The following KIF16B variants were observed in gnomAD, a reference collection of about 807,000 sequenced individuals.
KIF16B encodes kinesin-like protein KIF16B.
A neutral mutation model predicts 156.3 loss-of-function variants in KIF16B; 98 were observed. The observed-to-expected ratio is 0.63, with a 90% CI of 0.53 to 0.74. The LOEUF (loss-of-function observed/expected upper bound fraction) is 0.74. Ranked by LOEUF, KIF16B falls within the 30% of genes least tolerant of loss-of-function variation. KIF16B has a pLI of 0.00. For synonymous variants in KIF16B, 564 were observed against 583.7 expected, an observed-to-expected ratio of 0.97 and a Z score of 0.49; for missense variants, 1,421 against 1,606.5, an observed-to-expected ratio of 0.88 and a Z score of 1.97.
chr20:16,448,289 T>G (rs1003231069), intron 12 of KIF16B, among the ~76,000 whole-genome samples: 1 of 152,162 alleles, frequency 6.6e-6, no homozygotes, highest in Non-Finnish European at 1.5e-5. Flanking sequence ...GAGTTTTTCA[T>G]GCTGTGTTTA....
intron 12 of KIF16B, among the ~76,000 whole-genome samples, chr20:16,432,242 A>G (rs1169962317): frequency 2.0e-5 from 3 of 152,122 alleles, no homozygotes; most frequent in African/African-American, 7.2e-5. Context: ...GGTTGGGCTG[A>G]ACCAGGTTCA....
chr20:16,505,572 A>G lies in KIF16B; in HGVS notation c.1000+150T>C, dbSNP rs527602854. 4.0e-4 allele frequency: 266 copies of G among 663,308 alleles called. 1 individual carries two copies. In the South Asian group the frequency reaches 5.1e-3, roughly 13 times the overall value. 41.1% of individuals were successfully genotyped at this position (663,308 alleles called of 1,614,324 possible). A position where few individuals can be genotyped will look rare whatever the true frequency, so the allele number is the denominator to read the frequency against. On this transcript the variant is annotated intron_variant, in intron 9 of 25. Coordinates refer to ENST00000354981, the MANE Select transcript of KIF16B (RefSeq NM_024704.5). ...CTATAGACTGGATCATAGCAGGATC[A>G]TAGGAGGTGATTTTCCTCAAGATAG...
intron 24 of KIF16B, among the ~76,000 whole-genome samples, chr20:16,322,100 T>C (rs545213080): frequency 1.3e-5 from 2 of 152,050 alleles, no homozygotes; most frequent in South Asian, 4.2e-4. Flanking sequence ...TTCTTAGGCC[T>C]AAGAAAAGCA....
At chr20:16,394,716 C>T (rs2065449523) in intron 17 of KIF16B, among the ~76,000 whole-genome samples, 1 of 151,806 alleles carries the variant, frequency 6.6e-6, no homozygotes. Context: ...AGTCCATGCT[C>T]AAGGTGAGCA....
intron 3 of KIF16B, among the ~76,000 whole-genome samples, chr20:16,517,238 G>A (rs1476936488): frequency 2.6e-5 from 4 of 152,222 alleles, no homozygotes; most frequent in Non-Finnish European, 5.9e-5. Flanking sequence ...ATCAGTAAAA[G>A]ATTTCAACAA....
At position 16,273,170 on chromosome 20, in the gene KIF16B, C is replaced by T; in HGVS notation, c.*83G>A. On this transcript the variant is annotated 3_prime_UTR_variant, in exon 26 of 26. Transcript: ENST00000354981. ...TCAGCAGGAGGAGGCAGACCCGGAT[C>T]CTCGCATGGGGGAGCTGCCCTGCAT... 1 of 1,212,324 alleles carries T rather than the reference C, an allele frequency of 8.2e-7. No individual in the cohort carries two copies. 75.1% of individuals were successfully genotyped at this position (1,212,324 alleles called of 1,614,324 possible).
chr20:16,365,340 A>T (rs549292074), intron 22 of KIF16B, among the ~76,000 whole-genome samples: 1 of 152,344 alleles, frequency 6.6e-6, no homozygotes, highest in African/African-American at 2.4e-5. Context: ...ACCAACCAAG[A>T]TAATGACAAA....
intron 12 of KIF16B, among the ~76,000 whole-genome samples, chr20:16,446,252 A>G (rs1332021027): frequency 6.6e-6 from 1 of 152,238 alleles, no homozygotes; most frequent in Non-Finnish European, 1.5e-5. Context: ...ATAAACTATA[A>G]AGGCAGTTCC....
In KIF16B at chr20:16,379,497, C is replaced by T; in HGVS notation, c.2505G>A (p.Lys835=). 6.2e-7 allele frequency: 1 copy of T among 1,614,166 alleles called. No homozygotes were observed. The highest frequency in any genetic ancestry group is 1.1e-5 in the South Asian group (1 of 91,086). Residue 835 remains lysine, a synonymous_variant, in exon 19 of 26, where the codon AAG becomes AAA. Coordinates refer to ENST00000354981, the MANE Select transcript of KIF16B (RefSeq NM_024704.5). ...CCAGGTCCTTCTCCAAGTTCACTAGCTTGACAAGCTGCCTTCTCTTGAATT... is the reference window on the plus strand; with the variant it reads ...CCAGGTCCTTCTCCAAGTTCACTAGTTTGACAAGCTGCCTTCTCTTGAATT... ...FFEFKRRQLV[K]LVNLEKDLVQ... is the part of the protein sequence containing the mutation.
chr20:16,540,328 G>T (rs2070145326), intron 1 of KIF16B, among the ~76,000 whole-genome samples: 1 of 146,202 alleles, frequency 6.8e-6, no homozygotes, highest in Non-Finnish European at 1.5e-5. Flanking sequence ...GGCTTCAGGG[G>T]ATGAGAAAAT....
chr20:16,492,547 A>T lies in KIF16B; in HGVS notation c.1302+1744T>A, dbSNP rs943708537. On this transcript the variant is annotated intron_variant, in intron 12 of 25. Transcript: ENST00000354981. ...AAGAAAATAGTTAGACTTATTTTTT[A>T]AAAAAGCATTGGAATTGGAGGAGAA... 3.3e-5 allele frequency among the ~76,000 whole-genome samples: 5 copies of T among 152,354 alleles called. No homozygotes were observed. The South Asian group carries it at 8.3e-4, about 25-fold the overall frequency.
chr20:16,300,002 T>C (rs911097024), intron 25 of KIF16B, among the ~76,000 whole-genome samples: 3 of 152,202 alleles, frequency 2.0e-5, no homozygotes, highest in Non-Finnish European at 2.9e-5. Flanking sequence ...CTGTAGTATA[T>C]GAAAATTATA....
At chr20:16,500,953 G>A (rs373675340) in intron 10 of KIF16B, among the ~76,000 whole-genome samples, 1 of 152,054 alleles carries the variant, frequency 6.6e-6, no homozygotes, top group East Asian at 1.9e-4. Flanking sequence ...GTTGTCTCCA[G>A]ATACATTCAA....
chr20:16,329,894 T>C (rs1480446000), intron 24 of KIF16B, among the ~76,000 whole-genome samples: 1 of 152,186 alleles, frequency 6.6e-6, no homozygotes, highest in Non-Finnish European at 1.5e-5. Context: ...ACTCATACAG[T>C]GAATCTGAAA....
rs546408194 is a variant in KIF16B at position 16,524,758 on chromosome 20, A to G, written c.231+1334T>C. ...TTATTGCAGCACTATTCACAATAGCAAAGACTTGGAACCAACCCGAATGCC... is the reference window on the plus strand; with the variant it reads ...TTATTGCAGCACTATTCACAATAGCGAAGACTTGGAACCAACCCGAATGCC... On this transcript the variant is annotated intron_variant, in intron 3 of 25. Coordinates refer to ENST00000354981, the MANE Select transcript of KIF16B (RefSeq NM_024704.5). 8.5e-5 allele frequency among the ~76,000 whole-genome samples: 13 copies of G among 152,342 alleles called. No individual in the cohort carries two copies. In the South Asian group the frequency reaches 2.7e-3, roughly 32 times the overall value.
intron 23 of KIF16B, among the ~76,000 whole-genome samples, chr20:16,338,075 G>A (rs2064072952): frequency 6.6e-6 from 1 of 152,090 alleles, no homozygotes; most frequent in East Asian, 1.9e-4. Flanking sequence ...TGCTTCCACT[G>A]CACTTCTTGG....
At chr20:16,390,962 G>T (rs1397371441) in intron 17 of KIF16B, among the ~76,000 whole-genome samples, 1 of 152,180 alleles carries the variant, frequency 6.6e-6, no homozygotes, top group African/African-American at 2.4e-5. Flanking sequence ...GAGCCCAGTG[G>T]GAAAGGGCAT....
At chr20:16,307,813 T>C (rs2063563019) in intron 25 of KIF16B, among the ~76,000 whole-genome samples, 1 of 152,228 alleles carries the variant, frequency 6.6e-6, no homozygotes, top group Admixed American at 6.5e-5. Context: ...TAGAATATTC[T>C]AGAACCATAT....
At position 16,400,159 on chromosome 20, in the gene KIF16B, C is replaced by T. The variant is rs546617474; in HGVS notation, c.1784+4654G>A. Among the ~76,000 whole-genome samples the T allele has an allele frequency of 2.6e-3, 399 of 152,292 alleles. 2 individuals carry two copies. Among genetic ancestry groups the T allele is most frequent in the Non-Finnish European group, 4.5e-3 (308 of 68,026 alleles). On this transcript the variant is annotated intron_variant, in intron 17 of 25. Transcript: ENST00000354981. ...GTCATGTAATCATCAGGAAATCCATCCAGGTTAGATTTACATTCATCATTT... is the reference window on the plus strand; with the variant it reads ...GTCATGTAATCATCAGGAAATCCATTCAGGTTAGATTTACATTCATCATTT...
Sources: allele counts gnomAD v4.1 joint callset (sites outside exome capture counted in the v4.1 genomes callset), GRCh38; gene constraint gnomAD v4.1.1; transcripts MANE v1.5; gene names NCBI Gene and HGNC (gene_info 2026-07-23, HGNC 2026-07-21).